CASP8: variants seen among roughly 807,000 people sequenced by gnomAD.
The protein encoded by CASP8 is caspase 8.
A neutral mutation model predicts 46.3 loss-of-function variants in CASP8; 24 were observed. That is an observed-to-expected ratio of 0.52 (90% CI 0.38 to 0.73). The LOEUF (loss-of-function observed/expected upper bound fraction) is 0.73, where lower values mean the gene tolerates loss of function less well. Ranked by LOEUF, CASP8 falls within the 30% of genes least tolerant of loss-of-function variation. CASP8 has a pLI of 0.00. For synonymous variants in CASP8, 188 were observed against 200.4 expected, an observed-to-expected ratio of 0.94 and a Z score of 0.52; for missense variants, 460 against 559.0, an observed-to-expected ratio of 0.82 and a Z score of 1.79.
At chr2:201,253,075 C>T (rs1055366681) in intron 2 of CASP8, among the ~76,000 whole-genome samples, 26 of 151,966 alleles carry the variant, frequency 1.7e-4, no homozygotes, top group Admixed American at 1.3e-3. Flanking sequence ...GCCTTGAACT[C>T]CTGGGTTTAA....
At chr2:201,265,354 G>A (rs1439284284) in intron 1 of CASP8, among the ~76,000 whole-genome samples, 1 of 146,454 alleles carries the variant, frequency 6.8e-6, no homozygotes, top group East Asian at 2.0e-4. Flanking sequence ...CAGCTTGGGT[G>A]ACAGAGCAAG....
intron 2 of CASP8, among the ~76,000 whole-genome samples, chr2:201,248,176 T>G (rs1232806244): frequency 2.0e-5 from 3 of 152,222 alleles, no homozygotes; most frequent in African/African-American, 7.2e-5. Context: ...TTCTACTATT[T>G]CGGTAATTAA....
chr2:201,233,524 G>T (rs992657418), exon 1 of CASP8: 1 of 152,278 alleles, frequency 6.6e-6, no homozygotes, highest in Non-Finnish European at 1.5e-5. Flanking sequence ...CTTCCTGCCT[G>T]CCTGTACCCC....
intron 7 of CASP8, among the ~76,000 whole-genome samples, chr2:201,278,540 CTTTT>C (rs768024144): frequency 7.0e-6 from 1 of 143,218 alleles, no homozygotes; most frequent in Non-Finnish European, 1.5e-5. Context: ...TGTATTTTTT[CTTTT>C]TTTTTTTTTT....
At chr2:201,246,029 G>A (rs568596557) in intron 2 of CASP8, among the ~76,000 whole-genome samples, 5 of 152,062 alleles carry the variant, frequency 3.3e-5, no homozygotes, top group South Asian at 4.1e-4. Context: ...CACCATGCCC[G>A]GCTAATTTTG....
intron 7 of CASP8, 179 bp downstream of exon 7, chr2:201,277,147 T>A (rs1324417665): frequency 6.3e-5 from 32 of 510,576 alleles, no homozygotes; most frequent in Non-Finnish European, 8.0e-5. Context: ...CTGCTTTTTT[T>A]AAAAATTAAT....
At chr2:201,250,321 C>G (rs1946721521) in intron 2 of CASP8, among the ~76,000 whole-genome samples, 1 of 152,208 alleles carries the variant, frequency 6.6e-6, no homozygotes, top group South Asian at 2.1e-4. Context: ...TTGTGTTAGT[C>G]TGTTCTTGCA....
intron 2 of CASP8, among the ~76,000 whole-genome samples, chr2:201,268,113 C>T (rs1391732364): frequency 5.3e-5 from 8 of 151,716 alleles, no homozygotes; most frequent in Non-Finnish European, 8.8e-5. Flanking sequence ...TTTAGTAGGA[C>T]GGAGTTCCAC....
At chr2:201,273,351 G>A (rs150435262) in intron 5 of CASP8, among the ~76,000 whole-genome samples, 39 of 152,128 alleles carry the variant, frequency 2.6e-4, no homozygotes, top group African/African-American at 7.7e-4. Context: ...GAGCCACTGC[G>A]CCCGGCCGCA....
intron 7 of CASP8, among the ~76,000 whole-genome samples, chr2:201,283,635 A>G (rs1167800687): frequency 1.2e-5 from 1 of 82,850 alleles, no homozygotes; most frequent in Non-Finnish European, 2.8e-5. Context: ...ACTTCCCAGT[A>G]GGGGCGGCCG....
At chr2:201,247,865 C>A (rs780742811) in intron 2 of CASP8, among the ~76,000 whole-genome samples, 1 of 152,140 alleles carries the variant, frequency 6.6e-6, no homozygotes, top group Non-Finnish European at 1.5e-5. Context: ...AGGATAGTCT[C>A]GATCTCCTGA....
chr2:201,274,905 G>A lies in CASP8; in HGVS notation c.612G>A (p.Gly204=), dbSNP rs1948525916. The change falls in exon 6 of 9, where the codon GGG becomes GGA. Residue 204 remains glycine (G), a synonymous_variant. Coordinates refer to ENST00000673742, the MANE Select transcript of CASP8 (RefSeq NM_001372051.1). Reference sequence around the variant, plus strand: ...TGTTTGCAGGGGAGGAGTTGTGTGGGGTAATGACAATCTCGGACTCTCCAA... The same window carrying A: ...TGTTTGCAGGGGAGGAGTTGTGTGGAGTAATGACAATCTCGGACTCTCCAA... ...DEFSNGEELC[G]VMTISDSPRE... The A allele has an allele frequency of 3.1e-6, 5 of 1,613,242 alleles. No homozygotes were observed. Among genetic ancestry groups the A allele is most frequent in the South Asian group, 1.1e-5 (1 of 91,056 alleles).
At chr2:201,275,129 T>A (rs1948546802) in intron 6 of CASP8, among the ~76,000 whole-genome samples, 176 bp downstream of exon 6, 1 of 152,190 alleles carries the variant, frequency 6.6e-6, no homozygotes, top group South Asian at 2.1e-4. Flanking sequence ...ACTTAATTTT[T>A]AAAATGTGAC....
Position 201,272,707 on chromosome 2 carries a change from A to G in CASP8, c.481A>G (p.Lys161Glu). The change falls in exon 4 of 9, where the codon AAA (lysine) becomes GAA (glutamate). Residue 161 changes from lysine to glutamate, a missense_variant. Physicochemically the swap from Lys to Glu is moderately conservative, Grantham distance 56. Coordinates refer to ENST00000673742, the MANE Select transcript of CASP8 (RefSeq NM_001372051.1). This position sits in a 1 kb window ranked among gnomAD's most constrained non-coding sequence, Gnocchi z 4.4. ...GGGAGAAGGAAAGTTGGACATCCTG[A>G]AAAGAGTCTGTGCCCAAATCAACAA... The part of the protein sequence containing the change: ...ILGEGKLDIL[K>E]RVCAQINKSL... 2 of 1,614,178 alleles carry G rather than the reference A, an allele frequency of 1.2e-6. No individual in the cohort carries two copies. Among genetic ancestry groups the G allele is most frequent in the Non-Finnish European group, 1.7e-6 (2 of 1,180,002 alleles).
chr2:201,252,512 G>T (rs1482145399), intron 2 of CASP8, among the ~76,000 whole-genome samples: 2 of 152,158 alleles, frequency 1.3e-5, no homozygotes, highest in African/African-American at 4.8e-5. Context: ...TTGACCTCGT[G>T]ATCCACCAGT....
intron 2 of CASP8, among the ~76,000 whole-genome samples, chr2:201,246,534 A>G (rs1946529244): frequency 6.6e-6 from 1 of 152,206 alleles, no homozygotes; most frequent in Non-Finnish European, 1.5e-5. Flanking sequence ...GTTTGGACAG[A>G]AAGTGTTCTT....
intron 2 of CASP8, among the ~76,000 whole-genome samples, chr2:201,267,001 G>A (rs562188338): frequency 6.2e-4 from 95 of 152,214 alleles, no homozygotes; most frequent in African/African-American, 2.3e-3. Flanking sequence ...GAGAGAGTGG[G>A]TAAACAAAGG....
chr2:201,258,405 G>A (rs1239914884), upstream of CASP8: 4 of 1,613,708 alleles, frequency 2.5e-6, no homozygotes, highest in South Asian at 4.4e-5. Context: ...TGCCAAGGTG[G>A]CCTCTTCAAC....
At chr2:201,270,317 G>A (rs1179534240) in intron 2 of CASP8, among the ~76,000 whole-genome samples, 2 of 152,158 alleles carry the variant, frequency 1.3e-5, no homozygotes, top group African/African-American at 4.8e-5. Flanking sequence ...ACTTATTTGT[G>A]TAACCCTCGA....
Sources: gnomAD v4.1 joint callset for allele counts (sites outside exome capture counted in the v4.1 genomes callset) on GRCh38, gnomAD v4.1.1 for gene constraint, Gnocchi (gnomAD v3.1) non-coding constraint, MANE v1.5 for transcripts, NCBI Gene and HGNC (gene_info 2026-07-23, HGNC 2026-07-21) for gene names.